The following ATRNL1 variants were observed in gnomAD, a reference collection of about 807,000 sequenced individuals.
ATRNL1 encodes the protein attractin-like protein 1.
In ATRNL1, 95 loss-of-function variants were observed where a neutral mutation model predicts 182.7. The observed-to-expected ratio is 0.52, with a 90% CI of 0.44 to 0.62. The LOEUF is 0.62. Among genes scored for constraint, ATRNL1 ranks in the 20% least tolerant of loss-of-function variants. ATRNL1 has a pLI of 0.00. For missense variants in ATRNL1, 1,471 were observed against 1,679.5 expected, an observed-to-expected ratio of 0.88 and a Z score of 2.17; for synonymous variants, 576 against 568.3, an observed-to-expected ratio of 1.01 and a Z score of -0.19.
intron 28 of ATRNL1, among the ~76,000 whole-genome samples, chr10:115,877,343 C>A (rs1015777468): frequency 2.4e-4 from 37 of 152,298 alleles, no homozygotes; most frequent in Middle Eastern, 3.4e-3. Flanking sequence ...AGCCTTAGAC[C>A]TCCCTGAACC....
intron 27 of ATRNL1, among the ~76,000 whole-genome samples, chr10:115,731,367 T>A (rs1947792671): frequency 6.6e-6 from 1 of 152,172 alleles, no homozygotes; most frequent in African/African-American, 2.4e-5. Flanking sequence ...GCTATTTTGT[T>A]GTCTGTGGGG....
intron 26 of ATRNL1, among the ~76,000 whole-genome samples, chr10:115,587,618 C>T (rs1171849276): frequency 6.7e-5 from 9 of 134,794 alleles, no homozygotes; most frequent in Non-Finnish European, 9.8e-5. Context: ...CGCTTCGGCT[C>T]GCGCATGGTG....
chr10:115,871,356 T>G (rs1951575198), intron 28 of ATRNL1, among the ~76,000 whole-genome samples: 1 of 151,076 alleles, frequency 6.6e-6, no homozygotes. Context: ...TTTTTTTTTT[T>G]GCCATAGCCT....
chr10:115,872,680 C>T lies in ATRNL1; in HGVS notation c.4018+24689C>T, dbSNP rs149525349. On this transcript the variant is annotated intron_variant, in intron 28 of 28. Coordinates refer to ENST00000355044, the MANE Select transcript of ATRNL1 (RefSeq NM_207303.4). Reference sequence around the variant, plus strand: ...TCTGAGCTGGTGAAGAAGCAGTGGACTGTGTGGAGAAAACTAATTGAAATA... The same window carrying T: ...TCTGAGCTGGTGAAGAAGCAGTGGATTGTGTGGAGAAAACTAATTGAAATA... Among the ~76,000 whole-genome samples the T allele has an allele frequency of 6.3e-4, 96 of 152,276 alleles. 1 individual carries two copies. The highest frequency in any genetic ancestry group is 2.2e-3 in the African/African-American group (93 of 41,556).
At chr10:115,322,411 T>C (rs1365132978) in intron 18 of ATRNL1, among the ~76,000 whole-genome samples, 1 of 151,976 alleles carries the variant, frequency 6.6e-6, no homozygotes, top group Admixed American at 6.6e-5. Flanking sequence ...CAATACAGGT[T>C]TTCTTGACTC....
At chr10:115,896,171 A>G (rs1281679289) in intron 28 of ATRNL1, among the ~76,000 whole-genome samples, 1 of 152,200 alleles carries the variant, frequency 6.6e-6, no homozygotes, top group Non-Finnish European at 1.5e-5. Context: ...CCCATTCTAT[A>G]AAGATTCAGT....
At chr10:115,602,707 C>CA (rs1856666680) in intron 26 of ATRNL1, among the ~76,000 whole-genome samples, 1 of 152,100 alleles carries the variant, frequency 6.6e-6, no homozygotes, top group Admixed American at 6.5e-5. Context: ...ACTAAATATA[C>CA]AAAAAATTAG....
intron 27 of ATRNL1, among the ~76,000 whole-genome samples, chr10:115,814,079 A>T (rs1212764801): frequency 6.6e-6 from 1 of 152,158 alleles, no homozygotes; most frequent in African/African-American, 2.4e-5. Context: ...TGTCGTGTTT[A>T]AAAAATGAGT....
chr10:115,135,205 G>T (rs2143764619), intron 5 of ATRNL1, among the ~76,000 whole-genome samples: 1 of 152,220 alleles, frequency 6.6e-6, no homozygotes, highest in East Asian at 1.9e-4. Flanking sequence ...GCAGGAGAAA[G>T]AAATAGAAGG....
chr10:115,840,358 T>A (rs1555096698), intron 27 of ATRNL1, among the ~76,000 whole-genome samples: 1 of 152,200 alleles, frequency 6.6e-6, no homozygotes. Flanking sequence ...TCTTTTGAGT[T>A]GAGCATATTC....
At chr10:115,424,191 C>T (rs186026476) in intron 20 of ATRNL1, among the ~76,000 whole-genome samples, 28 of 152,266 alleles carry the variant, frequency 1.8e-4, no homozygotes, top group Admixed American at 1.0e-3. Flanking sequence ...CTCAACGTCA[C>T]TCATCATTAG....
chr10:115,427,430 A>G (rs547517552), intron 21 of ATRNL1, among the ~76,000 whole-genome samples: 19 of 152,218 alleles, frequency 1.2e-4, no homozygotes, highest in Non-Finnish European at 2.2e-4. Flanking sequence ...TCTTATTAAC[A>G]CTATTTTCTT....
At chr10:115,111,658 C>A (rs1383191595) in intron 1 of ATRNL1, among the ~76,000 whole-genome samples, 1 of 152,100 alleles carries the variant, frequency 6.6e-6, no homozygotes, top group African/African-American at 2.4e-5. Context: ...GGATCTGCCT[C>A]CATGACCCAA....
chr10:115,149,166 A>G (rs1846103987), intron 5 of ATRNL1, among the ~76,000 whole-genome samples: 1 of 152,068 alleles, frequency 6.6e-6, no homozygotes, highest in Admixed American at 6.6e-5. Flanking sequence ...ATCTTTTATT[A>G]CGCAGATGGG....
intron 8 of ATRNL1, among the ~76,000 whole-genome samples, chr10:115,214,156 A>G (rs565002001): frequency 6.6e-6 from 1 of 152,184 alleles, no homozygotes; most frequent in African/African-American, 2.4e-5. Flanking sequence ...AATAGTCTGT[A>G]TGTAACAAAT....
At chr10:115,130,608 A>G (rs997577545) in intron 5 of ATRNL1, among the ~76,000 whole-genome samples, 7 of 152,098 alleles carry the variant, frequency 4.6e-5, no homozygotes, top group Non-Finnish European at 1.0e-4. Context: ...CAATTATGTC[A>G]GATGCAAATT....
In ATRNL1 at chr10:115,615,821, G is replaced by A. The variant is rs995776267; in HGVS notation, c.3795+66285G>A. 3.9e-5 allele frequency among the ~76,000 whole-genome samples: 6 copies of A among 152,130 alleles called. No individual in the cohort carries two copies. In the East Asian group the frequency reaches 5.8e-4, roughly 15 times the overall value. ...GTCTTCCTGTACAGCCTGCAGAACC[G>A]TGAGCCAAGTAAACCCATTTTCTTT... is the stretch of plus-strand genomic sequence containing the variant. On this transcript the variant is annotated intron_variant, in intron 26 of 28. Coordinates refer to ENST00000355044, the MANE Select transcript of ATRNL1 (RefSeq NM_207303.4).
intron 8 of ATRNL1, among the ~76,000 whole-genome samples, chr10:115,215,066 G>A (rs1424796158): frequency 6.6e-6 from 1 of 152,128 alleles, no homozygotes; most frequent in Non-Finnish European, 1.5e-5. Flanking sequence ...TTGCCTTCCT[G>A]TTCCTGCTGC....
intron 26 of ATRNL1, among the ~76,000 whole-genome samples, chr10:115,654,264 G>A (rs1420055789): frequency 6.6e-6 from 1 of 151,480 alleles, no homozygotes; most frequent in South Asian, 2.1e-4. Context: ...CTGTCACCCA[G>A]GCTGGAGTGC....
Sources: allele counts gnomAD v4.1 joint callset (sites outside exome capture counted in the v4.1 genomes callset), GRCh38; gene constraint gnomAD v4.1.1; transcripts MANE v1.5; gene names NCBI Gene and HGNC (gene_info 2026-07-23, HGNC 2026-07-21).